The following ERI3 variants were observed in gnomAD, a reference collection of about 807,000 sequenced individuals.
The protein encoded by ERI3 is ERI1 exoribonuclease 3.
In ERI3, 18 loss-of-function variants were observed where a neutral mutation model predicts 44.4. The observed-to-expected ratio is 0.41, with a 90% CI of 0.28 to 0.60. The LOEUF (loss-of-function observed/expected upper bound fraction) is 0.60. ERI3 is among the 20% of genes least tolerant of loss of function. The pLI, the probability that ERI3 is intolerant of heterozygous loss-of-function variation, is 0.36. For missense variants in ERI3, 294 were observed against 435.5 expected (o/e 0.68, Z 2.89); for synonymous variants, 183 against 164.8 (o/e 1.11, Z -0.84).
At chr1:44,325,498 A>C (rs1304605928) in intron 3 of ERI3, among the ~76,000 whole-genome samples, 1 of 152,204 alleles carries the variant, frequency 6.6e-6, no homozygotes, top group African/African-American at 2.4e-5. Context: ...ACAAGAAATA[A>C]ATGTGTAAGT....
chr1:44,347,461 T>C (rs1372497487), intron 2 of ERI3, among the ~76,000 whole-genome samples: 2 of 152,184 alleles, frequency 1.3e-5, no homozygotes, highest in African/African-American at 4.8e-5. Flanking sequence ...AAATGTGACG[T>C]TTCCTTTTAC....
chr1:44,323,105 G>A, intron 3 of ERI3: 1 of 440,560 alleles, frequency 2.3e-6, no homozygotes, highest in Non-Finnish European at 3.8e-6. Context: ...GCACCAGGAA[G>A]GAAGGAAGGA....
chr1:44,285,785 T>A (rs1488142444), intron 6 of ERI3, among the ~76,000 whole-genome samples: 3 of 151,930 alleles, frequency 2.0e-5, no homozygotes, highest in Admixed American at 6.6e-5. Context: ...TAAGTTGGAG[T>A]ATGGGGGCAT....
intron 6 of ERI3, among the ~76,000 whole-genome samples, chr1:44,286,299 G>C (rs1044164373): frequency 6.6e-6 from 1 of 152,174 alleles, no homozygotes; most frequent in African/African-American, 2.4e-5. Context: ...CATGAGTTTG[G>C]GAATGCAGTT....
At chr1:44,268,813 G>C (rs188703896) in intron 7 of ERI3, among the ~76,000 whole-genome samples, 2 of 152,180 alleles carry the variant, frequency 1.3e-5, no homozygotes, top group South Asian at 4.1e-4. Context: ...GCTCCCTGCC[G>C]TTAGGGTACT....
At chr1:44,262,675 G>A (rs1389887890) in intron 7 of ERI3, among the ~76,000 whole-genome samples, 1 of 152,220 alleles carries the variant, frequency 6.6e-6, no homozygotes, top group African/African-American at 2.4e-5. Context: ...CCAGCCTAGC[G>A]GGAGGAGCCT....
At chr1:44,245,393 T>C (rs1213859128) in intron 8 of ERI3, among the ~76,000 whole-genome samples, 2 of 152,150 alleles carry the variant, frequency 1.3e-5, no homozygotes, top group Non-Finnish European at 2.9e-5. Flanking sequence ...CCCAGTGTCC[T>C]GGGGAGCCGC....
At chr1:44,284,968 T>G in intron 6 of ERI3, 61 bp from the exon 7 acceptor site, 1 of 1,414,218 alleles carries the variant, frequency 7.1e-7, no homozygotes, top group East Asian at 2.3e-5. Flanking sequence ...TATGAAGTCT[T>G]AAGATGGGAA....
chr1:44,222,058 G>A (rs1437393743), intron 8 of ERI3, among the ~76,000 whole-genome samples: 1 of 152,258 alleles, frequency 6.6e-6, no homozygotes, highest in Non-Finnish European at 1.5e-5. Context: ...CCGCCTTGAT[G>A]TCTCCATTTC....
intron 8 of ERI3, among the ~76,000 whole-genome samples, chr1:44,226,399 T>G (rs1441775751): frequency 6.6e-6 from 1 of 152,090 alleles, no homozygotes; most frequent in South Asian, 2.1e-4. Context: ...TGATCCTAGA[T>G]GTGAGGACAG....
At chr1:44,247,869 C>A in intron 8 of ERI3, 70 bp downstream of exon 8, 1 of 1,268,172 alleles carries the variant, frequency 7.9e-7, no homozygotes, top group Non-Finnish European at 1.1e-6. Flanking sequence ...TCTCTATGTG[C>A]CTGGGGACTG....
At chr1:44,222,726 C>A (rs962709070) in intron 8 of ERI3, among the ~76,000 whole-genome samples, 2 of 152,248 alleles carry the variant, frequency 1.3e-5, no homozygotes, top group Non-Finnish European at 2.9e-5. Flanking sequence ...ATTATCCCCT[C>A]ACCTGCCTCT....
intron 1 of ERI3, chr1:44,354,138 C>G: frequency 1.0e-6 from 1 of 985,450 alleles, no homozygotes; most frequent in Non-Finnish European, 1.2e-6. Context: ...CTCATTTAGC[C>G]ACTCACAACC....
At position 44,354,946 on chromosome 1, in the gene ERI3, A is replaced by C; in HGVS notation, c.81T>G (p.Pro27=). The part of the protein sequence containing the change: ...EGGLVSWPPA[P]PLTLPWTWMG... ...TCCAAGTCCAGGGGAGAGTAAGGGG[A>C]GGGGCGGGGGGCCAGGAGACCAGCC... The change falls in exon 1 of 9, where the codon CCT becomes CCG. Residue 27 remains proline (P), a synonymous_variant. Coordinates refer to ENST00000372257, the MANE Select transcript of ERI3 (RefSeq NM_024066.3). 1 of 1,335,294 alleles carries C rather than the reference A, an allele frequency of 7.5e-7. No homozygotes were observed. Among genetic ancestry groups the C allele is most frequent in the South Asian group, 2.6e-5 (1 of 38,558 alleles). 82.7% of individuals were successfully genotyped at this position (1,335,294 alleles called of 1,614,324 possible). A position where few individuals can be genotyped will look rare whatever the true frequency, so the allele number is the denominator to read the frequency against.
chr1:44,223,765 C>CAG (rs1643963171), intron 8 of ERI3, among the ~76,000 whole-genome samples: 1 of 152,212 alleles, frequency 6.6e-6, no homozygotes, highest in African/African-American at 2.4e-5. Context: ...GTGCCTGGCC[C>CAG]TGTGCTGGGA....
chr1:44,355,226 G>C lies in ERI3; in HGVS notation c.-200C>G. 1 of 1,185,824 alleles carries C rather than the reference G, an allele frequency of 8.4e-7. No individual in the cohort carries two copies. The highest frequency in any genetic ancestry group is 1.0e-6 in the Non-Finnish European group (1 of 958,612). 73.5% of individuals were successfully genotyped at this position (1,185,824 alleles called of 1,614,324 possible). On this transcript the variant is annotated 5_prime_UTR_variant, in exon 1 of 9. Coordinates refer to ENST00000372257, the MANE Select transcript of ERI3 (RefSeq NM_024066.3). ...GTTCCCGGCCGCCTGAACAGCGGCAGCCAGCACCACGAGTCCACAACACAC... is the reference window on the plus strand; with the variant it reads ...GTTCCCGGCCGCCTGAACAGCGGCACCCAGCACCACGAGTCCACAACACAC...
chr1:44,259,109 T>A (rs1222231930), intron 7 of ERI3, among the ~76,000 whole-genome samples: 1 of 152,200 alleles, frequency 6.6e-6, no homozygotes, highest in Non-Finnish European at 1.5e-5. Flanking sequence ...AGCACAACAC[T>A]GTCCTCAGAG....
intron 8 of ERI3, among the ~76,000 whole-genome samples, chr1:44,231,922 C>T (rs1309236881): frequency 6.6e-6 from 1 of 152,112 alleles, no homozygotes; most frequent in Non-Finnish European, 1.5e-5. Flanking sequence ...TGGATGTTTT[C>T]GTAACTGCAC....
chr1:44,338,041 T>A (rs1429396476), intron 3 of ERI3, among the ~76,000 whole-genome samples: 5 of 152,138 alleles, frequency 3.3e-5, no homozygotes, highest in Admixed American at 2.0e-4. Flanking sequence ...ACCACATACT[T>A]CAATATCACC....
Sources: gnomAD v4.1 joint callset for allele counts (sites outside exome capture counted in the v4.1 genomes callset) on GRCh38, gnomAD v4.1.1 for gene constraint, MANE v1.5 for transcripts, NCBI Gene and HGNC (gene_info 2026-07-23, HGNC 2026-07-21) for gene names.